Variants in BCR observed in about 807,000 individuals in gnomAD.
The protein encoded by BCR is breakpoint cluster region protein.
In BCR, 58 loss-of-function variants were observed where a neutral mutation model predicts 138.6. That is an observed-to-expected ratio of 0.42 (90% CI 0.34 to 0.52). The LOEUF is 0.52. BCR is among the 20% of genes least tolerant of loss of function. The pLI, the probability that BCR is intolerant of heterozygous loss-of-function variation, is 0.06. For synonymous variants in BCR, 786 were observed against 730.1 expected (o/e 1.08, Z -1.23); for missense variants, 1,599 against 1,727.2 (o/e 0.93, Z 1.32).
chr22:23,239,647 A>AC (rs2073066435), intron 1 of BCR, among the ~76,000 whole-genome samples: 4 of 152,184 alleles, frequency 2.6e-5, no homozygotes, highest in African/African-American at 9.7e-5. Context: ...GTAACAAAGA[A>AC]CCACAAACTG....
chr22:23,271,918 C>T (rs974133545), intron 6 of BCR, among the ~76,000 whole-genome samples: 3 of 151,960 alleles, frequency 2.0e-5, no homozygotes, highest in Admixed American at 6.6e-5. Flanking sequence ...CTCCACTTCC[C>T]GGGTTCAAGT....
chr22:23,219,629 C>T (rs1040758404), intron 1 of BCR, among the ~76,000 whole-genome samples: 2 of 152,224 alleles, frequency 1.3e-5, no homozygotes, highest in East Asian at 1.9e-4. Context: ...CCTCCACGCT[C>T]GTGGGCACTG....
At chr22:23,295,906 G>T (rs1403209527) in intron 16 of BCR, among the ~76,000 whole-genome samples, 1 of 152,096 alleles carries the variant, frequency 6.6e-6, no homozygotes, top group Non-Finnish European at 1.5e-5. Flanking sequence ...TTTCCTTATA[G>T]TGCATTATAT....
chr22:23,276,791 CAGAA>C (rs34936468), intron 8 of BCR, among the ~76,000 whole-genome samples: 35,069 of 152,080 alleles, frequency 0.23, 4,372 homozygotes, highest in Middle Eastern at 0.29. Context: ...GTCCTTGATG[CAGAA>C]AGAAAGATGC....
intron 1 of BCR, among the ~76,000 whole-genome samples, chr22:23,217,327 C>T (rs2072766652): frequency 6.6e-6 from 1 of 152,220 alleles, no homozygotes; most frequent in African/African-American, 2.4e-5. Flanking sequence ...CTTGCAGGCT[C>T]GGCCAGTGCA....
chr22:23,270,496 T>G lies in BCR; in HGVS notation c.1861-1036T>G. Among the ~76,000 whole-genome samples, 2 of 152,192 alleles carry G rather than the reference T, an allele frequency of 1.3e-5. 1 individual carries two copies. Among genetic ancestry groups the G allele is most frequent in the Non-Finnish European group, 2.9e-5 (2 of 68,030 alleles). The stretch of plus-strand genomic sequence containing the variant: ...AGCCCAGCACCTGGTTTTTGCAGTC[T>G]TTTGTTTGGCTCTCCCACCCCCTTA... On this transcript the variant is annotated intron_variant, in intron 5 of 22. Transcript: ENST00000305877.
At chr22:23,217,076 C>G in intron 1 of BCR, 1 of 447,868 alleles carries the variant, frequency 2.2e-6, no homozygotes, top group Non-Finnish European at 4.5e-6. Flanking sequence ...CTCAGGGGCT[C>G]TGGTGATTGC....
chr22:23,273,022 C>T (rs768631217), intron 6 of BCR, 59 bp from the exon 7 acceptor site: 25 of 1,581,558 alleles, frequency 1.6e-5, no homozygotes, highest in Non-Finnish European at 2.1e-5. Context: ...CGAGGGTGGT[C>T]AGGCAGCTGG....
intron 8 of BCR, 118 bp downstream of exon 8, chr22:23,273,892 A>T: frequency 7.2e-7 from 1 of 1,386,396 alleles, no homozygotes; most frequent in Non-Finnish European, 1.0e-6. Flanking sequence ...GCCTTCTGGG[A>T]TTGGTGAGAT....
intron 1 of BCR, among the ~76,000 whole-genome samples, chr22:23,241,190 C>T (rs564862105): frequency 6.6e-5 from 10 of 152,348 alleles, no homozygotes; most frequent in East Asian, 1.9e-4. Context: ...CCTTCAGAAG[C>T]GGGGCAGCCC....
At chr22:23,238,367 C>T (rs2073049312) in intron 1 of BCR, among the ~76,000 whole-genome samples, 1 of 152,100 alleles carries the variant, frequency 6.6e-6, no homozygotes, top group African/African-American at 2.4e-5. Context: ...ACCGTGCCAC[C>T]TCCCGGTCTG....
At chr22:23,276,126 G>A (rs9624072) in intron 8 of BCR, among the ~76,000 whole-genome samples, 7,260 of 152,238 alleles carry the variant, frequency 0.048, 195 homozygotes, top group Middle Eastern at 0.11. Context: ...GCGGCTGGGC[G>A]CGGTGGCTCA....
chr22:23,192,984 A>AGG (rs2072434080), intron 1 of BCR, among the ~76,000 whole-genome samples: 1 of 152,256 alleles, frequency 6.6e-6, no homozygotes, highest in Non-Finnish European at 1.5e-5. Context: ...AGAAGAAGAG[A>AGG]GGGGAGCCTT....
intron 1 of BCR, among the ~76,000 whole-genome samples, chr22:23,237,161 T>C (rs2073036288): frequency 6.6e-6 from 1 of 152,240 alleles, no homozygotes; most frequent in Non-Finnish European, 1.5e-5. Flanking sequence ...GTTGAATCTC[T>C]GCAGAACTCA....
At chr22:23,269,330 C>T (rs1602086362) in intron 5 of BCR, among the ~76,000 whole-genome samples, 1 of 152,250 alleles carries the variant, frequency 6.6e-6, no homozygotes. Context: ...CCCCCCATCT[C>T]GCTGTAGCTT....
At chr22:23,273,868 C>T (rs1426365464) in intron 8 of BCR, 94 bp downstream of exon 8, 2 of 1,520,654 alleles carry the variant, frequency 1.3e-6, no homozygotes, top group African/African-American at 1.4e-5. Flanking sequence ...CCTTCCTGGT[C>T]CTCAGCAGAC....
intron 2 of BCR, among the ~76,000 whole-genome samples, chr22:23,255,356 A>G (rs2073281532): frequency 6.6e-6 from 1 of 152,094 alleles, no homozygotes; most frequent in African/African-American, 2.4e-5. Flanking sequence ...ACAGACTAGG[A>G]GGCCGAGGTT....
intron 1 of BCR, among the ~76,000 whole-genome samples, chr22:23,187,485 TTCTCTCTC>T (rs112466422): frequency 2.7e-5 from 4 of 145,578 alleles, no homozygotes; most frequent in African/African-American, 1.0e-4. Context: ...CTCCTTCTCT[TTCTCTCTC>T]TCTCTCTTTT....
intron 1 of BCR, among the ~76,000 whole-genome samples, chr22:23,253,044 A>C (rs1278844126): frequency 1.3e-5 from 2 of 152,138 alleles, no homozygotes; most frequent in African/African-American, 4.8e-5. Flanking sequence ...CCCCTCCTTG[A>C]GTTTGATCAC....
Sources: gnomAD v4.1 joint callset for allele counts (sites outside exome capture counted in the v4.1 genomes callset) on GRCh38, gnomAD v4.1.1 for gene constraint, MANE v1.5 for transcripts, NCBI Gene and HGNC (gene_info 2026-07-23, HGNC 2026-07-21) for gene names.